SLC35F4: variants seen among roughly 807,000 people sequenced by gnomAD.
The protein encoded by SLC35F4 is solute carrier family 35 member F4, also known as chromosome 14 open reading frame 36.
Under a neutral mutation model 44.2 loss-of-function variants are expected in SLC35F4, and 24 were observed. The observed-to-expected ratio is 0.54, with a 90% CI of 0.39 to 0.76. SLC35F4 has a LOEUF of 0.76. SLC35F4 is among the 30% of genes least tolerant of loss of function. The probability of loss-of-function intolerance (pLI) is 0.00; values close to 1 mark genes in which losing one functional copy is unlikely to be tolerated. For missense variants in SLC35F4, 562 were observed against 586.1 expected, an observed-to-expected ratio of 0.96 and a Z score of 0.42; for synonymous variants, 238 against 223.6, an observed-to-expected ratio of 1.06 and a Z score of -0.57.
chr14:57,619,641 G>C (rs1044989852), intron 1 of SLC35F4, among the ~76,000 whole-genome samples: 1 of 152,076 alleles, frequency 6.6e-6, no homozygotes, highest in South Asian at 2.1e-4. Context: ...CTTCTCCAAA[G>C]GATCACAACT....
At chr14:57,824,721 T>C (rs1362864899) in intron 1 of SLC35F4, among the ~76,000 whole-genome samples, 3 of 152,138 alleles carry the variant, frequency 2.0e-5, no homozygotes, top group African/African-American at 7.2e-5. Context: ...GAAAGTCTGA[T>C]TGGTTTTAGA....
At chr14:57,916,682 T>G (rs1889335771) in intron 1 of SLC35F4, among the ~76,000 whole-genome samples, 1 of 152,222 alleles carries the variant, frequency 6.6e-6, no homozygotes, top group South Asian at 2.1e-4. Flanking sequence ...CAGTCTTTAT[T>G]TTTTCTTTAA....
intron 1 of SLC35F4, among the ~76,000 whole-genome samples, chr14:57,638,850 T>G (rs1032761496): frequency 6.6e-6 from 1 of 151,934 alleles, no homozygotes; most frequent in Non-Finnish European, 1.5e-5. Flanking sequence ...AGGTCAGAGG[T>G]CCCCTATCAA....
intron 1 of SLC35F4, among the ~76,000 whole-genome samples, chr14:57,965,322 A>G (rs1281943992): frequency 6.8e-6 from 1 of 146,250 alleles, no homozygotes; most frequent in African/African-American, 2.7e-5. Context: ...ACCTTGCATC[A>G]TTCACATCTC....
At chr14:57,665,460 A>T (rs2074276024) in intron 1 of SLC35F4, among the ~76,000 whole-genome samples, 1 of 152,234 alleles carries the variant, frequency 6.6e-6, no homozygotes, top group South Asian at 2.1e-4. Flanking sequence ...AGGATGAGGC[A>T]ACTAAAGTTC....
intron 1 of SLC35F4, among the ~76,000 whole-genome samples, chr14:57,813,276 T>G (rs965133328): frequency 2.0e-5 from 3 of 152,156 alleles, no homozygotes; most frequent in African/African-American, 7.2e-5. Context: ...TAACTTATAA[T>G]AGCATTAATA....
chr14:57,878,564 A>G (rs1336733115), intron 1 of SLC35F4, among the ~76,000 whole-genome samples: 3 of 152,134 alleles, frequency 2.0e-5, no homozygotes, highest in Non-Finnish European at 4.4e-5. Context: ...GGATTTTTAT[A>G]CATGCTGTTC....
intron 1 of SLC35F4, among the ~76,000 whole-genome samples, chr14:57,706,648 G>A (rs1385149668): frequency 1.3e-5 from 2 of 152,226 alleles, no homozygotes; most frequent in Non-Finnish European, 2.9e-5. Flanking sequence ...GCAGAGCCCA[G>A]TAAGACTGGC....
chr14:57,742,108 A>G (rs2076625268), intron 1 of SLC35F4, among the ~76,000 whole-genome samples: 1 of 152,356 alleles, frequency 6.6e-6, no homozygotes, highest in Non-Finnish European at 1.5e-5. Flanking sequence ...GGTACGAGCC[A>G]CTGAAAAAAC....
chr14:57,896,784 ATGTT>A (rs755326082), intron 1 of SLC35F4, among the ~76,000 whole-genome samples: 1 of 152,114 alleles, frequency 6.6e-6, no homozygotes, highest in Admixed American at 6.6e-5. Context: ...AACTCAACAA[ATGTT>A]TGTTTATGAT....
At chr14:57,585,718 C>A (rs749601672) in intron 3 of SLC35F4, among the ~76,000 whole-genome samples, 1 of 152,170 alleles carries the variant, frequency 6.6e-6, no homozygotes, top group Non-Finnish European at 1.5e-5. Context: ...CATGAGTGAA[C>A]AGCTATTTAC....
chr14:57,667,539 A>G (rs557472832), intron 1 of SLC35F4, among the ~76,000 whole-genome samples: 2 of 133,748 alleles, frequency 1.5e-5, no homozygotes, highest in East Asian at 2.2e-4. Context: ...CTGTGTCCAC[A>G]TGTTCTCAAT....
At chr14:57,596,714 G>T in intron 1 of SLC35F4, 1 of 1,182,660 alleles carries the variant, frequency 8.5e-7, no homozygotes, top group Non-Finnish European at 1.2e-6. Flanking sequence ...TGTGTGTAGC[G>T]AGCAAGTGTT....
chr14:57,852,479 G>C (rs62005010), intron 1 of SLC35F4, among the ~76,000 whole-genome samples: 23,217 of 152,168 alleles, frequency 0.15, 1,889 homozygotes, highest in East Asian at 0.22. Flanking sequence ...TTTAACCAGA[G>C]GAATGGCATG....
chr14:57,898,313 T>G (rs150537677), intron 1 of SLC35F4, among the ~76,000 whole-genome samples: 4 of 152,274 alleles, frequency 2.6e-5, no homozygotes, highest in African/African-American at 2.4e-5. Context: ...ACCACATCAG[T>G]GTGCTTGAAA....
In SLC35F4 at chr14:57,564,349, A is replaced by G; in HGVS notation, c.1244T>C (p.Ile415Thr). ...AAVDLLKQEV[I>T]FNVVRLAATI... The stretch of plus-strand genomic sequence containing the variant: ...AGCAGCCAGGCGGACAACATTGAAT[A>G]TCACCTCCTGCTTTAGGAGATCCAC... The change falls in exon 8 of 8, where the codon ATA (isoleucine) becomes ACA (threonine). Residue 415 changes from isoleucine (I) to threonine (T), a missense_variant. Ile to Thr is a moderately conservative substitution (Grantham distance 89). Coordinates refer to ENST00000556826, the MANE Select transcript of SLC35F4 (RefSeq NM_001306087.2). The G allele has an allele frequency of 6.2e-7, 1 of 1,609,236 alleles. No homozygotes were observed.
Position 57,681,360 on chromosome 14 carries a change from C to T in SLC35F4, c.104-87236G>A, listed in dbSNP as rs149300397. The stretch of plus-strand genomic sequence containing the variant: ...CTGGATCCCTTCCTTACACCTTATA[C>T]GTAAATTAACTCTAGATGGATTAAA... On this transcript the variant is annotated intron_variant, in intron 1 of 7. Coordinates refer to ENST00000556826, the MANE Select transcript of SLC35F4 (RefSeq NM_001306087.2). Among the ~76,000 whole-genome samples, 427 of 152,166 alleles carry T rather than the reference C, an allele frequency of 2.8e-3. 6 individuals carry two copies. The highest frequency in any genetic ancestry group is 0.014 in the Middle Eastern group (4 of 294).
At chr14:57,627,164 G>A (rs552595246) in intron 1 of SLC35F4, among the ~76,000 whole-genome samples, 50 of 152,232 alleles carry the variant, frequency 3.3e-4, no homozygotes, top group African/African-American at 1.2e-3. Flanking sequence ...TGGAAGTAAT[G>A]GAGGACTTCA....
At position 57,733,721 on chromosome 14, in the gene SLC35F4, A is replaced by G. The variant is rs371895633; in HGVS notation, c.103+132002T>C. ...AAATTTCAAACCTACGCAAAAGTACAGAGTACTTTTGCTTCCAAGTGCCCT... is the reference window on the plus strand; with the variant it reads ...AAATTTCAAACCTACGCAAAAGTACGGAGTACTTTTGCTTCCAAGTGCCCT... On this transcript the variant is annotated intron_variant, in intron 1 of 7. Transcript: ENST00000556826. Among the ~76,000 whole-genome samples the G allele has an allele frequency of 1.2e-4, 18 of 152,192 alleles. No individual in the cohort carries two copies. The East Asian group carries it at 3.3e-3, about 28-fold the overall frequency.
Sources: allele counts gnomAD v4.1 joint callset (sites outside exome capture counted in the v4.1 genomes callset), GRCh38; gene constraint gnomAD v4.1.1; transcripts MANE v1.5; gene names NCBI Gene and HGNC (gene_info 2026-07-23, HGNC 2026-07-21).